MED13L: variants seen among roughly 807,000 people sequenced by gnomAD.
MED13L encodes mediator of RNA polymerase II transcription subunit 13-like.
Under a neutral mutation model 220.9 loss-of-function variants are expected in MED13L, and 7 were observed. The ratio of observed to expected loss-of-function variants is 0.03; its 90% CI spans 0.02 to 0.06. The LOEUF is 0.06. MED13L is among the 10% of genes least tolerant of loss of function. The pLI, the probability that MED13L is intolerant of heterozygous loss-of-function variation, is 1.00. For missense variants in MED13L, 1,965 were observed against 2,760.5 expected (o/e 0.71, Z 6.46); for synonymous variants, 1,011 against 1,015.2 (o/e 1.00, Z 0.08).
intron 2 of MED13L, among the ~76,000 whole-genome samples, chr12:116,182,726 A>C (rs1880615070): frequency 6.6e-6 from 1 of 152,228 alleles, no homozygotes; most frequent in South Asian, 2.1e-4. Context: ...TGGAGACCCA[A>C]AGAACACAAT....
At chr12:116,227,921 A>T (rs574035289) in intron 2 of MED13L, among the ~76,000 whole-genome samples, 9 of 152,310 alleles carry the variant, frequency 5.9e-5, no homozygotes, top group South Asian at 2.1e-4. Flanking sequence ...GAATGCAAAA[A>T]AAATAAATAA....
intron 4 of MED13L, among the ~76,000 whole-genome samples, chr12:116,065,284 AAAT>A (rs1667847061): frequency 6.6e-6 from 1 of 152,162 alleles, no homozygotes; most frequent in South Asian, 2.1e-4. Flanking sequence ...ATGTGTTTGA[AAAT>A]AATGTTTACA....
intron 2 of MED13L, among the ~76,000 whole-genome samples, chr12:116,235,580 C>T (rs1354961953): frequency 1.3e-5 from 2 of 151,984 alleles, no homozygotes; most frequent in Non-Finnish European, 2.9e-5. Flanking sequence ...TTAAAAATAT[C>T]TAAAAATAAT....
intron 4 of MED13L, among the ~76,000 whole-genome samples, chr12:116,065,665 C>A (rs1385331714): frequency 6.6e-6 from 1 of 152,170 alleles, no homozygotes; most frequent in African/African-American, 2.4e-5. Context: ...CATCAAAACA[C>A]ATGTCCCAAG....
intron 2 of MED13L, among the ~76,000 whole-genome samples, chr12:116,181,816 T>G (rs1032505037): frequency 6.6e-6 from 1 of 152,166 alleles, no homozygotes; most frequent in East Asian, 1.9e-4. Flanking sequence ...TGAATCAAAG[T>G]TTTAACTAAT....
At chr12:116,128,065 G>A (rs1593075716) in intron 2 of MED13L, among the ~76,000 whole-genome samples, 1 of 152,176 alleles carries the variant, frequency 6.6e-6, no homozygotes, top group African/African-American at 2.4e-5. Flanking sequence ...CTAATGGAAA[G>A]TAGTCCTGTC....
At chr12:115,965,155 G>C (rs1020786099) in intron 29 of MED13L, among the ~76,000 whole-genome samples, 2 of 152,144 alleles carry the variant, frequency 1.3e-5, no homozygotes, top group African/African-American at 4.8e-5. Flanking sequence ...GTGTGTACGT[G>C]TATATGTGTG....
chr12:116,273,486 A>G (rs1024130467), intron 1 of MED13L, among the ~76,000 whole-genome samples: 1 of 151,292 alleles, frequency 6.6e-6, no homozygotes, highest in Admixed American at 6.6e-5. Flanking sequence ...ATTTTGTTCT[A>G]GCGCAAAAAA....
chr12:116,142,644 C>T (rs867022350), intron 2 of MED13L, among the ~76,000 whole-genome samples: 2 of 152,004 alleles, frequency 1.3e-5, no homozygotes, highest in Non-Finnish European at 2.9e-5. Context: ...GCCGATATTG[C>T]GCCACAGCAC....
intron 2 of MED13L, among the ~76,000 whole-genome samples, chr12:116,114,002 T>C (rs1200023085): frequency 3.3e-5 from 5 of 152,190 alleles, no homozygotes; most frequent in Non-Finnish European, 4.4e-5. Flanking sequence ...ATATACTTTA[T>C]GGCAAATCCC....
chr12:116,221,273 G>A (rs1868410539), intron 2 of MED13L, among the ~76,000 whole-genome samples: 1 of 151,652 alleles, frequency 6.6e-6, no homozygotes, highest in Non-Finnish European at 1.5e-5. Flanking sequence ...TACCCACAAG[G>A]CTGAGGTGGG....
chr12:116,136,023 C>G (rs1267489377), intron 2 of MED13L, among the ~76,000 whole-genome samples: 1 of 152,082 alleles, frequency 6.6e-6, no homozygotes, highest in Non-Finnish European at 1.5e-5. Context: ...CTGCCTCAGC[C>G]TCCCGAGTAG....
chr12:115,999,830 G>C (rs1341120856), intron 14 of MED13L, among the ~76,000 whole-genome samples: 1 of 152,132 alleles, frequency 6.6e-6, no homozygotes, highest in Non-Finnish European at 1.5e-5. Flanking sequence ...CAGCCACCCT[G>C]TTAATTTTAG....
chr12:116,061,589 T>C (rs1243896717), intron 4 of MED13L, among the ~76,000 whole-genome samples: 1 of 152,070 alleles, frequency 6.6e-6, no homozygotes, highest in Non-Finnish European at 1.5e-5. Context: ...TTAAGTACAG[T>C]CTCCACCACA....
intron 3 of MED13L, among the ~76,000 whole-genome samples, chr12:116,099,528 A>C (rs1872888763): frequency 6.6e-6 from 1 of 152,242 alleles, no homozygotes; most frequent in South Asian, 2.1e-4. Context: ...AATTCAAAAC[A>C]ACCATTTATT....
intron 2 of MED13L, among the ~76,000 whole-genome samples, chr12:116,171,766 C>T (rs1470628343): frequency 6.6e-6 from 1 of 152,192 alleles, no homozygotes; most frequent in East Asian, 1.9e-4. Context: ...ACCAAAACAT[C>T]CAGCTCTTTT....
intron 4 of MED13L, among the ~76,000 whole-genome samples, chr12:116,071,420 TTTTTG>T (rs1041537610): frequency 5.3e-5 from 8 of 152,200 alleles, no homozygotes; most frequent in Admixed American, 1.3e-4. Flanking sequence ...TTTGTTGTTG[TTTTTG>T]TTTTGTTTTG....
At chr12:116,007,058 T>C in intron 11 of MED13L, 1 of 336,456 alleles carries the variant, frequency 3.0e-6, no homozygotes, top group South Asian at 2.9e-5. Context: ...TACCTACTGT[T>C]ACAAACATTT....
intron 17 of MED13L, among the ~76,000 whole-genome samples, chr12:115,990,666 G>C (rs1049987237): frequency 6.6e-6 from 1 of 152,206 alleles, no homozygotes; most frequent in Non-Finnish European, 1.5e-5. Context: ...TTGGAAACTT[G>C]ATCTGGAAGA....
Sources: gnomAD v4.1 joint callset for allele counts (sites outside exome capture counted in the v4.1 genomes callset) on GRCh38, gnomAD v4.1.1 for gene constraint, MANE v1.5 for transcripts, NCBI Gene and HGNC (gene_info 2026-07-23, HGNC 2026-07-21) for gene names.